The following FXYD4 variants were observed in gnomAD, a reference collection of about 807,000 sequenced individuals.
FXYD4 encodes FXYD domain containing ion transport regulator 4.
A neutral mutation model predicts 18.3 loss-of-function variants in FXYD4; 14 were observed. That is an observed-to-expected ratio of 0.77 (90% CI 0.51 to 1.20). The LOEUF is 1.20. Ranked by LOEUF, FXYD4 falls within the 50% of genes most tolerant of loss-of-function variation. FXYD4 has a pLI of 0.00. For missense variants in FXYD4, 99 were observed against 106.1 expected (o/e 0.93, Z 0.29); for synonymous variants, 40 against 40.5 (o/e 0.99, Z 0.04).
chr10:43,375,084 T>C (rs975740096), intron 5 of FXYD4, among the ~76,000 whole-genome samples: 1 of 145,280 alleles, frequency 6.9e-6, no homozygotes, highest in African/African-American at 2.6e-5. Context: ...TGGAGTACAG[T>C]GGCATGATCT....
chr10:43,374,132 A>C (rs985032479), intron 3 of FXYD4, among the ~76,000 whole-genome samples: 2 of 152,116 alleles, frequency 1.3e-5, no homozygotes, highest in African/African-American at 4.8e-5. Context: ...TGGGAGGTCG[A>C]GGTTGCAGTG....
intron 3 of FXYD4, 111 bp from the exon 4 acceptor site, chr10:43,374,359 C>A (rs1487874855): frequency 1.0e-6 from 1 of 999,162 alleles, no homozygotes; most frequent in Non-Finnish European, 1.6e-6. Flanking sequence ...AGGAAGGGAA[C>A]TGGTGGCTCC....
chr10:43,374,904 C>G (rs74326894), intron 5 of FXYD4, among the ~76,000 whole-genome samples: 1,701 of 152,164 alleles, frequency 0.011, 22 homozygotes, highest in Non-Finnish European at 0.018. Context: ...CTCACCCTCC[C>G]TTTCCCTAGT....
intron 8 of FXYD4, 29 bp downstream of exon 8, chr10:43,376,098 G>C (rs775871004): frequency 1.9e-6 from 3 of 1,613,934 alleles, no homozygotes; most frequent in African/African-American, 2.7e-5. Context: ...GGCTGAGGGG[G>C]TGTCTGTGTA....
intron 1 of FXYD4, among the ~76,000 whole-genome samples, chr10:43,372,408 C>A (rs1487282804): frequency 2.6e-5 from 4 of 152,158 alleles, no homozygotes; most frequent in Non-Finnish European, 5.9e-5. Flanking sequence ...CCTCAGCTTC[C>A]CAAGTAGCTG....
rs1041365200 is a variant in FXYD4 at position 43,375,579 on chromosome 10, T to C, written c.172+6T>C. 6 of 1,612,542 alleles carry C rather than the reference T, an allele frequency of 3.7e-6. No homozygotes were observed. Among genetic ancestry groups the C allele is most frequent in the Middle Eastern group, 3.3e-4 (2 of 6,082 alleles). On this transcript the variant is annotated splice_donor_region_variant and intron_variant, in intron 6 of 8. Transcript: ENST00000476166. Reference sequence around the variant, plus strand: ...TGGGATCGCGGCAGTTCTGAGTGAGTGGCAGGACAGGTGGGGCTGGAGGAC... The same window carrying C: ...TGGGATCGCGGCAGTTCTGAGTGAGCGGCAGGACAGGTGGGGCTGGAGGAC...
At chr10:43,372,057 AAT>A (rs1837814305) in intron 1 of FXYD4, among the ~76,000 whole-genome samples, 1 of 151,086 alleles carries the variant, frequency 6.6e-6, no homozygotes, top group Non-Finnish European at 1.5e-5. Context: ...AAAAAAAAAA[AAT>A]AGTAATAATA....
At position 43,373,528 on chromosome 10, in the gene FXYD4, C is replaced by T; in HGVS notation, c.-219C>T. On this transcript the variant is annotated 5_prime_UTR_variant, in exon 3 of 9. Coordinates refer to ENST00000476166, the MANE Select transcript of FXYD4 (RefSeq NM_173160.3). ...CAACTCCCCCAGGCCACCACCATCT[C>T]TAGATGGGAAGACAGAAAGTAGTTA... 5.1e-6 allele frequency: 3 copies of T among 589,004 alleles called. No individual in the cohort carries two copies. The highest frequency in any genetic ancestry group is 6.1e-6 in the Non-Finnish European group (2 of 328,286). 36.5% of individuals were successfully genotyped at this position (589,004 alleles called of 1,614,324 possible). A position where few individuals can be genotyped will look rare whatever the true frequency, so the allele number is the denominator to read the frequency against.
Position 43,376,236 on chromosome 10 carries a change from C to G in FXYD4, c.*70C>G. The G allele has an allele frequency of 1.3e-6, 2 of 1,529,626 alleles. No individual in the cohort carries two copies. The highest frequency in any genetic ancestry group is 3.4e-5 in the Admixed American group (2 of 59,662). 94.8% of individuals were successfully genotyped at this position (1,529,626 alleles called of 1,614,324 possible). On this transcript the variant is annotated 3_prime_UTR_variant, in exon 9 of 9. Coordinates refer to ENST00000476166, the MANE Select transcript of FXYD4 (RefSeq NM_173160.3). Reference sequence around the variant, plus strand: ...CCCCAGCACCTCCTCCCCTGGGAGGCCTTATCCTCAAGGAAGGACTTCTCT... The same window carrying G: ...CCCCAGCACCTCCTCCCCTGGGAGGGCTTATCCTCAAGGAAGGACTTCTCT...
At chr10:43,375,977 G>A (rs1186884718) in intron 7 of FXYD4, 55 bp from the exon 8 acceptor site, 12 of 1,579,584 alleles carry the variant, frequency 7.6e-6, no homozygotes, top group Non-Finnish European at 1.0e-5. Context: ...TGGGATATAG[G>A]GGAGAAGGTC....
chr10:43,373,475 C>G (rs1468771431), intron 2 of FXYD4, 40 bp from the exon 3 acceptor site: 3 of 543,222 alleles, frequency 5.5e-6, no homozygotes, highest in Non-Finnish European at 9.9e-6. Flanking sequence ...CAGTTTTGAG[C>G]TCTTAGCTTG....
Position 43,374,488 on chromosome 10 carries a change from C to G in FXYD4, c.56C>G (p.Ala19Gly), listed in dbSNP as rs1837844071. The G allele has an allele frequency of 6.2e-7, 1 of 1,614,040 alleles. No individual in the cohort carries two copies. The highest frequency in any genetic ancestry group is 8.5e-7 in the Non-Finnish European group (1 of 1,179,990). The stretch of plus-strand genomic sequence containing the variant: ...CACACAGGCCTGACTGCCTTGGAAG[C>G]CAATGACCCATTTGGTGAGTGAGGC... ...LLLAGLTALEANDPFANKDDP... is the reference protein window; with the variant it reads ...LLLAGLTALEGNDPFANKDDP... Residue 19 changes from alanine to glycine, a missense_variant, in exon 4 of 9, where the codon GCC (alanine) becomes GGC (glycine). Transcript: ENST00000476166.
Position 43,373,682 on chromosome 10 carries a change from T to C in FXYD4, c.-65T>C. The C allele has an allele frequency of 1.1e-6, 1 of 923,952 alleles. No individual in the cohort carries two copies. The highest frequency in any genetic ancestry group is 1.8e-6 in the Non-Finnish European group (1 of 551,616). The allele number at this position is 923,952 out of a possible 1,614,324, so 57.2% of individuals were successfully genotyped here. A position where few individuals can be genotyped will look rare whatever the true frequency, so the allele number is the denominator to read the frequency against. On this transcript the variant is annotated 5_prime_UTR_variant, in exon 3 of 9. Coordinates refer to ENST00000476166, the MANE Select transcript of FXYD4 (RefSeq NM_173160.3). Reference sequence around the variant, plus strand: ...AATTGAGCTGTGAGCCTGGAGCAGATCCGTGGGCTGCAGACCCCCGCCCCA... The same window carrying C: ...AATTGAGCTGTGAGCCTGGAGCAGACCCGTGGGCTGCAGACCCCCGCCCCA...
intron 5 of FXYD4, among the ~76,000 whole-genome samples, chr10:43,375,190 C>A: frequency 6.6e-6 from 1 of 151,906 alleles, no homozygotes; most frequent in South Asian, 2.1e-4. Flanking sequence ...CCACGCCTAG[C>A]TAATTTTTGT....
chr10:43,374,973 G>A (rs1837851241), intron 5 of FXYD4, among the ~76,000 whole-genome samples: 1 of 150,212 alleles, frequency 6.7e-6, no homozygotes, highest in African/African-American at 2.5e-5. Flanking sequence ...CTCCAGGACA[G>A]CTTTCCTTGA....
rs542084810 is a variant in FXYD4, at chr10:43,376,261, T to G, written c.*95T>G. On this transcript the variant is annotated 3_prime_UTR_variant, in exon 9 of 9. Coordinates refer to ENST00000476166, the MANE Select transcript of FXYD4 (RefSeq NM_173160.3). ...CCTTATCCTCAAGGAAGGACTTCTC[T>G]CCAAGGGCAGGCTGTTAGGCCCCTT... 2.7e-5 allele frequency: 38 copies of G among 1,384,052 alleles called. No individual in the cohort carries two copies. In the South Asian group the frequency reaches 4.4e-4, roughly 16 times the overall value. 85.7% of individuals were successfully genotyped at this position (1,384,052 alleles called of 1,614,324 possible).
intron 3 of FXYD4, 122 bp downstream of exon 3, chr10:43,373,905 A>C (rs1052569047): frequency 2.6e-6 from 2 of 771,976 alleles, no homozygotes; most frequent in South Asian, 2.7e-5. Context: ...TTAAACTGCC[A>C]ATTTAGAGAG....
At chr10:43,373,434 C>T (rs1354598668) in intron 2 of FXYD4, 81 bp from the exon 3 acceptor site, 6 of 389,238 alleles carry the variant, frequency 1.5e-5, no homozygotes, top group East Asian at 1.2e-4. Context: ...ATTTTAACAA[C>T]GCCTTCTACA....
intron 5 of FXYD4, 56 bp from the exon 6 acceptor site, chr10:43,375,443 G>T: frequency 1.5e-6 from 2 of 1,371,684 alleles, no homozygotes; most frequent in South Asian, 2.3e-5. Flanking sequence ...AGTGTCTTTT[G>T]AATGAATGAC....
Sources: gnomAD v4.1 joint callset for allele counts (sites outside exome capture counted in the v4.1 genomes callset) on GRCh38, gnomAD v4.1.1 for gene constraint, MANE v1.5 for transcripts, NCBI Gene and HGNC (gene_info 2026-07-23, HGNC 2026-07-21) for gene names.